GIT2: variants seen among roughly 807,000 people sequenced by gnomAD.
GIT2 encodes the protein GIT ArfGAP 2.
In GIT2, 32 loss-of-function variants were observed where a neutral mutation model predicts 100.3. That is an observed-to-expected ratio of 0.32 (90% CI 0.24 to 0.43). The LOEUF (loss-of-function observed/expected upper bound fraction) is 0.43, where lower values mean the gene tolerates loss of function less well. GIT2 is among the 20% of genes least tolerant of loss of function. GIT2 has a pLI of 1.00. For missense variants in GIT2, 737 were observed against 975.1 expected, an observed-to-expected ratio of 0.76 and a Z score of 3.25; for synonymous variants, 353 against 364.1, an observed-to-expected ratio of 0.97 and a Z score of 0.35.
intron 12 of GIT2, among the ~76,000 whole-genome samples, chr12:109,955,300 A>T (rs56183846): frequency 0.039 from 5,970 of 151,758 alleles, 167 homozygotes; most frequent in Non-Finnish European, 0.059. Context: ...ATTTTTTTGT[A>T]TTTTTTTAGT....
intron 11 of GIT2, among the ~76,000 whole-genome samples, chr12:109,960,741 A>G (rs1880857076): frequency 1.3e-5 from 2 of 152,226 alleles, no homozygotes. Flanking sequence ...ATTGTATACA[A>G]TGGTGCTTTG....
At chr12:109,966,508 CAA>C (rs749586402) in intron 8 of GIT2, among the ~76,000 whole-genome samples, 2 of 70,230 alleles carry the variant, frequency 2.8e-5, no homozygotes, top group Non-Finnish European at 5.1e-5. Flanking sequence ...GACTCTGTCT[CAA>C]AAAAAAAAAA....
chr12:109,999,408 T>C (rs1165564134), upstream of GIT2: 2 of 183,630 alleles, frequency 1.1e-5, no homozygotes, highest in Non-Finnish European at 1.1e-5. The surrounding 1 kb of genome is among the most constrained non-coding windows in gnomAD (Gnocchi z 4.3). Context: ...CGCACTTCCC[T>C]GTTTGGGGCA....
chr12:109,949,330 C>T (rs1235558120), intron 14 of GIT2, among the ~76,000 whole-genome samples: 1 of 152,290 alleles, frequency 6.6e-6, no homozygotes, highest in African/African-American at 2.4e-5. Context: ...CATGTGATCA[C>T]GTGTTTGTCT....
At chr12:109,970,215 C>T (rs1160543420) in intron 7 of GIT2, among the ~76,000 whole-genome samples, 3 of 151,992 alleles carry the variant, frequency 2.0e-5, no homozygotes, top group Admixed American at 1.3e-4. Flanking sequence ...TATCCTGGGG[C>T]GGGTGCAGTG....
chr12:109,982,568 A>G (rs1295339797), intron 6 of GIT2: 1 of 152,080 alleles, frequency 6.6e-6, no homozygotes, highest in Non-Finnish European at 1.5e-5. Flanking sequence ...GATATTCAAG[A>G]CTAACCTATA....
intron 4 of GIT2, among the ~76,000 whole-genome samples, 186 bp downstream of exon 4, chr12:109,988,777 C>T (rs1440640279): frequency 1.4e-5 from 2 of 143,214 alleles, no homozygotes; most frequent in African/African-American, 2.6e-5. Flanking sequence ...CGCTGGAACC[C>T]GGGAGGCAGA....
chr12:109,971,146 A>G (rs2042528080), intron 7 of GIT2, among the ~76,000 whole-genome samples: 1 of 152,152 alleles, frequency 6.6e-6, no homozygotes, highest in African/African-American at 2.4e-5. Flanking sequence ...ATTGAAGTAA[A>G]TTTATACATT....
intron 7 of GIT2, among the ~76,000 whole-genome samples, chr12:109,975,328 C>T (rs1301798332): frequency 6.6e-6 from 1 of 152,118 alleles, no homozygotes; most frequent in East Asian, 1.9e-4. Context: ...CTCAGCCCCT[C>T]CTGAGTAGCT....
Position 109,952,993 on chromosome 12 carries a change from G to A in GIT2, c.1242+99C>T, listed in dbSNP as rs1878341831. The A allele has an allele frequency of 3.4e-6, 4 of 1,190,148 alleles. No homozygotes were observed. In the South Asian group the frequency reaches 4.1e-5, roughly 12 times the overall value. 73.7% of individuals were successfully genotyped at this position (1,190,148 alleles called of 1,614,324 possible). Reference sequence around the variant, plus strand: ...ACCTTGTTTCACCTTTGCTTGGCCTGAGCTAGTAACAAACCCAACCTCACT... The same window carrying A: ...ACCTTGTTTCACCTTTGCTTGGCCTAAGCTAGTAACAAACCCAACCTCACT... On this transcript the variant is annotated intron_variant, in intron 13 of 19. Coordinates refer to ENST00000355312, the MANE Select transcript of GIT2 (RefSeq NM_057169.5).
At chr12:109,972,286 C>G (rs2136583380) in intron 7 of GIT2, among the ~76,000 whole-genome samples, 1 of 152,214 alleles carries the variant, frequency 6.6e-6, no homozygotes, top group East Asian at 1.9e-4. Context: ...AAAGCAAACA[C>G]AGTCTTTCAT....
rs1407286328 is a variant in GIT2 at position 109,972,435 on chromosome 12, C to T, written c.719-4932G>A. ...CAACTGATATGATTACATAGTTTTT[C>T]GTTTTTACTGTTAACTTGATAGATT... On this transcript the variant is annotated intron_variant, in intron 7 of 19. Transcript: ENST00000355312. Among the ~76,000 whole-genome samples, 8 of 151,114 alleles carry T rather than the reference C, an allele frequency of 5.3e-5. No individual in the cohort carries two copies. In the East Asian group the frequency reaches 1.6e-3, roughly 29 times the overall value.
intron 4 of GIT2, 60 bp from the exon 5 acceptor site, chr12:109,983,754 G>C: frequency 9.4e-7 from 1 of 1,058,324 alleles, no homozygotes; most frequent in Non-Finnish European, 1.5e-6. Flanking sequence ...TGATGTCCTA[G>C]GGCAGCTGAT....
chr12:109,967,288 T>A, intron 8 of GIT2, 170 bp downstream of exon 8: 1 of 1,564,340 alleles, frequency 6.4e-7, no homozygotes, highest in Admixed American at 1.9e-5. Flanking sequence ...CTTTGAAACT[T>A]AAGTTTTATA....
At position 109,961,390 on chromosome 12, in the gene GIT2, G is replaced by A; in HGVS notation, c.890-15C>T. The A allele has an allele frequency of 6.5e-7, 1 of 1,550,298 alleles. No homozygotes were observed. Among genetic ancestry groups the A allele is most frequent in the Non-Finnish European group, 8.9e-7 (1 of 1,121,826 alleles). On this transcript the variant is annotated splice_polypyrimidine_tract_variant and intron_variant, in intron 10 of 19. Coordinates refer to ENST00000355312, the MANE Select transcript of GIT2 (RefSeq NM_057169.5). Reference sequence around the variant, plus strand: ...GGCAAGCCAGACTAGTCAGAGGAAAGAGCCAGAGACAAACCTCATCACGCC... The same window carrying A: ...GGCAAGCCAGACTAGTCAGAGGAAAAAGCCAGAGACAAACCTCATCACGCC...
upstream of GIT2, chr12:109,997,655 T>C (rs1889638026): frequency 6.6e-6 from 1 of 152,264 alleles, no homozygotes; most frequent in African/African-American, 2.4e-5. Context: ...ACATTCATTT[T>C]GGCTAAGGAC....
rs2136295790 is a variant in GIT2, at chr12:109,953,383, G to A, written c.1100-149C>T. The stretch of plus-strand genomic sequence containing the variant: ...GCCTGTAATCCCAGCATTCTAGGAG[G>A]CCAAGGAGGAGAACTGCTTGAGGCC... On this transcript the variant is annotated intron_variant, in intron 12 of 19. Transcript: ENST00000355312. The A allele has an allele frequency of 4.1e-6, 3 of 724,516 alleles. No individual in the cohort carries two copies. In the East Asian group the frequency reaches 7.7e-5, roughly 19 times the overall value. The allele number at this position is 724,516 out of a possible 1,614,324, so 44.9% of individuals were successfully genotyped here. A position where few individuals can be genotyped will look rare whatever the true frequency, so the allele number is the denominator to read the frequency against.
intron 4 of GIT2, among the ~76,000 whole-genome samples, chr12:109,988,428 G>A (rs1887791484): frequency 6.6e-6 from 1 of 152,066 alleles, no homozygotes. Context: ...TGTAGTTCCA[G>A]CTACTCGGGA....
chr12:109,936,959 T>C (rs1181498053), intron 18 of GIT2, among the ~76,000 whole-genome samples: 1 of 152,010 alleles, frequency 6.6e-6, no homozygotes, highest in Non-Finnish European at 1.5e-5. Flanking sequence ...GCCAAGACTA[T>C]GGTCCTGAGC....
Sources: allele counts gnomAD v4.1 joint callset (sites outside exome capture counted in the v4.1 genomes callset), GRCh38; gene constraint gnomAD v4.1.1; non-coding constraint Gnocchi (gnomAD v3.1); transcripts MANE v1.5; gene names NCBI Gene and HGNC (gene_info 2026-07-23, HGNC 2026-07-21).